PAH: variants seen among roughly 807,000 people sequenced by gnomAD.
PAH encodes phenylalanine hydroxylase, also known as phenylalanine-4-hydroxylase.
A neutral mutation model predicts 62.0 loss-of-function variants in PAH; 64 were observed. The ratio of observed to expected loss-of-function variants is 1.03; its 90% CI spans 0.84 to 1.27. The LOEUF (loss-of-function observed/expected upper bound fraction) is 1.27. Among genes scored for constraint, PAH ranks in the 50% most tolerant of loss-of-function variants. The probability of loss-of-function intolerance (pLI) is 0.00; values close to 1 mark genes in which losing one functional copy is unlikely to be tolerated. For synonymous variants in PAH, 195 were observed against 196.2 expected (o/e 0.99, Z 0.05); for missense variants, 579 against 542.8 (o/e 1.07, Z -0.66).
At position 102,843,128 on chromosome 12, in the gene PAH, T is replaced by G. The variant is rs1277769772; in HGVS notation, c.1199+518A>C. On this transcript the variant is annotated intron_variant, in intron 11 of 12. Coordinates refer to ENST00000553106, the MANE Select transcript of PAH (RefSeq NM_000277.3). ...CAGGGGCTGGAGGAAAAACAGAAAA[T>G]AGAAAGAACAAAATTTCTACCCTCA... 2.6e-5 allele frequency among the ~76,000 whole-genome samples: 4 copies of G among 151,916 alleles called. 1 individual carries two copies. Among genetic ancestry groups the G allele is most frequent in the Non-Finnish European group, 5.9e-5 (4 of 67,952 alleles).
chr12:102,903,021 T>C (rs749617590), intron 2 of PAH, among the ~76,000 whole-genome samples: 13 of 152,230 alleles, frequency 8.5e-5, no homozygotes, highest in Non-Finnish European at 1.5e-4. Flanking sequence ...CTTTTCTTTG[T>C]GTTTCTTTTC....
intron 6 of PAH, chr12:102,854,927 A>T: frequency 1.6e-6 from 1 of 633,150 alleles, no homozygotes; most frequent in Non-Finnish European, 2.9e-6. Context: ...CAGGTGTTTG[A>T]TTGAATGAAA....
chr12:102,936,968 C>A (rs1046311824), intron 1 of PAH, among the ~76,000 whole-genome samples: 1 of 152,108 alleles, frequency 6.6e-6, no homozygotes, highest in African/African-American at 2.4e-5. Context: ...ATTATGGGGG[C>A]AGTTACCCTC....
upstream of PAH, among the ~76,000 whole-genome samples, chr12:102,917,989 C>T (rs2136735488): frequency 6.6e-6 from 1 of 152,274 alleles, no homozygotes; most frequent in African/African-American, 2.4e-5. Flanking sequence ...GTACCGTGTG[C>T]TTGGTGGTGT....
intron 2 of PAH, among the ~76,000 whole-genome samples, chr12:102,904,531 T>C (rs1435463618): frequency 6.6e-6 from 1 of 152,222 alleles, no homozygotes; most frequent in Non-Finnish European, 1.5e-5. Flanking sequence ...CTCTAAAACC[T>C]AGATGTGGAA....
Position 102,837,744 on chromosome 12 carries a change from G to A in PAH, c.*1431C>T, listed in dbSNP as rs1384004182. The A allele has an allele frequency of 6.6e-6, 1 of 152,164 alleles. No individual in the cohort carries two copies. Among genetic ancestry groups the A allele is most frequent in the Non-Finnish European group, 1.5e-5 (1 of 68,026 alleles). 9.4% of individuals were successfully genotyped at this position (152,164 alleles called of 1,614,324 possible). A position where few individuals can be genotyped will look rare whatever the true frequency, so the allele number is the denominator to read the frequency against. ...TCCCTCATTGTTAGAGTGACACTGA[G>A]GTCTAAAGAAGGGAAACAGCTTATC... On this transcript the variant is annotated 3_prime_UTR_variant, in exon 13 of 13. Transcript: ENST00000553106.
At position 102,855,254 on chromosome 12, in the gene PAH, G is replaced by A. The variant is rs755420480; in HGVS notation, c.588C>T (p.Ser196=). The change falls in exon 6 of 13, where the codon TCC becomes TCT. Residue 196 remains serine, a synonymous_variant. Coordinates refer to ENST00000553106, the MANE Select transcript of PAH (RefSeq NM_000277.3). ...TWGTVFKTLK[S]LYKTHACYEY... is the part of the protein sequence containing the mutation. ...CATAGCAAGCATGGGTTTTATACAA[G>A]GACTTCAGAGTCTTGAACACTGTGC... 1.1e-5 allele frequency: 18 copies of A among 1,613,942 alleles called. No individual in the cohort carries two copies. In the Admixed American group the frequency reaches 2.8e-4, roughly 25 times the overall value.
chr12:102,859,939 C>A (rs1875641367), intron 5 of PAH, among the ~76,000 whole-genome samples: 1 of 152,234 alleles, frequency 6.6e-6, no homozygotes, highest in Non-Finnish European at 1.5e-5. Context: ...TGCCCTCTCT[C>A]ACTACTCCTA....
chr12:102,878,644 A>AGAGGGAGGGAAGAAAAGGAAAGAAAG (rs1876679437), intron 3 of PAH, among the ~76,000 whole-genome samples: 1 of 151,538 alleles, frequency 6.6e-6, no homozygotes, highest in Non-Finnish European at 1.5e-5. Context: ...AAGAGGGAAG[A>AGAGGGAGGGAAGAAAAGGAAAGAAAG]GAGGGAGGGA....
chr12:102,948,815 T>C (rs1003842621), intron 1 of PAH, among the ~76,000 whole-genome samples: 1 of 152,204 alleles, frequency 6.6e-6, no homozygotes, highest in Non-Finnish European at 1.5e-5. Flanking sequence ...GATTCTGATT[T>C]GGTGGGTCTG....
rs62642095 is a variant in PAH at position 102,846,942 on chromosome 12, G to A, written c.922C>T (p.Leu308Phe). The A allele has an allele frequency of 6.2e-7, 1 of 1,613,410 alleles. No homozygotes were observed. Among genetic ancestry groups the A allele is most frequent in the Non-Finnish European group, 8.5e-7 (1 of 1,179,552 alleles). ...SFAQFSQEIG[L>F]ASLGAPDEYI... The stretch of plus-strand genomic sequence containing the variant: ...TCATCAGGTGCACCCAGAGAGGCAA[G>A]GCCAATTTCCTGTAATTGGGGGAAA... The change falls in exon 9 of 13, where the codon CTT (leucine) becomes TTT (phenylalanine). Residue 308 changes from leucine to phenylalanine, a missense_variant. Leu to Phe is a conservative substitution (Grantham distance 22). Transcript: ENST00000553106.
At chr12:102,943,138 C>A (rs1180469088) in intron 1 of PAH, among the ~76,000 whole-genome samples, 1 of 152,010 alleles carries the variant, frequency 6.6e-6, no homozygotes, top group Non-Finnish European at 1.5e-5. Flanking sequence ...AAAAAGAAGA[C>A]CCACAAAATG....
At chr12:102,872,458 T>G (rs1876386251) in intron 4 of PAH, among the ~76,000 whole-genome samples, 1 of 152,226 alleles carries the variant, frequency 6.6e-6, no homozygotes, top group Non-Finnish European at 1.5e-5. Flanking sequence ...ATAGAGCAAT[T>G]TAGTAAGAAT....
At chr12:102,847,626 A>G (rs1874911054) in intron 8 of PAH, among the ~76,000 whole-genome samples, 1 of 152,234 alleles carries the variant, frequency 6.6e-6, no homozygotes. Flanking sequence ...GACAATAAAT[A>G]ATGAACATAT....
chr12:102,898,872 C>A (rs1877617903), intron 2 of PAH, among the ~76,000 whole-genome samples: 1 of 152,220 alleles, frequency 6.6e-6, no homozygotes, highest in East Asian at 1.9e-4. Flanking sequence ...ATAATTAAAA[C>A]CTCTGGGTGT....
At chr12:102,878,291 C>T (rs1327438230) in intron 3 of PAH, among the ~76,000 whole-genome samples, 3 of 152,154 alleles carry the variant, frequency 2.0e-5, no homozygotes, top group East Asian at 1.9e-4. Flanking sequence ...GTTAGAAAGC[C>T]GTTGTTGAAG....
intron 4 of PAH, chr12:102,877,221 T>G (rs1228143531): frequency 1.8e-6 from 1 of 557,396 alleles, no homozygotes; most frequent in Non-Finnish European, 3.3e-6. Flanking sequence ...AGACCTAGTA[T>G]ATAGAGACAA....
intron 2 of PAH, among the ~76,000 whole-genome samples, chr12:102,898,551 T>G (rs1194963559): frequency 6.6e-6 from 1 of 152,230 alleles, no homozygotes; most frequent in Non-Finnish European, 1.5e-5. Flanking sequence ...ATCTTTTGCC[T>G]TGATCATTAA....
chr12:102,905,944 A>C (rs1243825486), intron 2 of PAH, among the ~76,000 whole-genome samples: 3 of 152,228 alleles, frequency 2.0e-5, no homozygotes, highest in African/African-American at 7.2e-5. Context: ...CCATAAACCC[A>C]AGTAAAATGA....
Sources: allele counts gnomAD v4.1 joint callset (sites outside exome capture counted in the v4.1 genomes callset), GRCh38; gene constraint gnomAD v4.1.1; transcripts MANE v1.5; gene names NCBI Gene and HGNC (gene_info 2026-07-23, HGNC 2026-07-21).